JPH3: variants seen among roughly 807,000 people sequenced by gnomAD.
JPH3 encodes junctophilin 3, also known as junctophilin-3.
Under a neutral mutation model 59.6 loss-of-function variants are expected in JPH3, and 11 were observed. The ratio of observed to expected loss-of-function variants is 0.18; its 90% confidence interval spans 0.12 to 0.31. The LOEUF (loss-of-function observed/expected upper bound fraction) is 0.31, where lower values mean the gene tolerates loss of function less well. Among genes scored for constraint, JPH3 ranks in the 10% least tolerant of loss-of-function variants. The pLI, the probability that JPH3 is intolerant of heterozygous loss-of-function variation, is 1.00. For synonymous variants in JPH3, 673 were observed against 483.6 expected (o/e 1.39, Z -5.14); for missense variants, 1,202 against 1,105.7 (o/e 1.09, Z -1.24).
At chr16:87,673,010 G>A (rs76180876) in intron 2 of JPH3, among the ~76,000 whole-genome samples, 8,333 of 152,240 alleles carry the variant, frequency 0.055, 331 homozygotes, top group Non-Finnish European at 0.088. Flanking sequence ...CCTTTGCGTG[G>A]TAGCACGTGC....
In JPH3 at chr16:87,685,109, C is replaced by T. The variant is rs1257686923; in HGVS notation, c.1285+843C>T. On this transcript the variant is annotated intron_variant, in intron 3 of 4. Coordinates refer to ENST00000284262, the MANE Select transcript of JPH3 (RefSeq NM_020655.4). ...TCGCAACGCCTGCCACTCTGGCCAC[C>T]AGGACAGGATGAGGAGCCCAGCCTG... Among the ~76,000 whole-genome samples, 4 of 152,214 alleles carry T rather than the reference C, an allele frequency of 2.6e-5. No homozygotes were observed. The East Asian group carries it at 7.7e-4, about 29-fold the overall frequency.
intron 4 of JPH3, chr16:87,696,069 G>C (rs1437320365): frequency 2.2e-6 from 1 of 456,558 alleles, no homozygotes. Flanking sequence ...GTGAGGGGGG[G>C]TTTTGTTGAG....
chr16:87,628,302 C>T (rs2031450416), intron 1 of JPH3, among the ~76,000 whole-genome samples: 1 of 152,266 alleles, frequency 6.6e-6, no homozygotes, highest in Admixed American at 6.5e-5. Context: ...AGCCAGCCCT[C>T]AGGGGCCAGA....
chr16:87,695,950 G>A (rs1313934617), intron 4 of JPH3: 6 of 455,970 alleles, frequency 1.3e-5, no homozygotes, highest in Non-Finnish European at 2.6e-5. Flanking sequence ...CCACTTCAGG[G>A]AGGTGGTGGC....
intron 2 of JPH3, among the ~76,000 whole-genome samples, chr16:87,646,017 C>T (rs140791502): frequency 4.6e-5 from 7 of 152,334 alleles, no homozygotes; most frequent in African/African-American, 1.2e-4. Context: ...TGGGGTAGCC[C>T]GGAGAGTCTT....
chr16:87,695,180 G>A (rs1280580385), intron 4 of JPH3: 6 of 376,810 alleles, frequency 1.6e-5, no homozygotes, highest in Admixed American at 1.3e-4. Context: ...GAGGCCCGTT[G>A]TTCGGGCTCC....
At position 87,613,405 on chromosome 16, in the gene JPH3, C is replaced by G. The variant is rs373869457; in HGVS notation, c.382+9877C>G. Among the ~76,000 whole-genome samples the G allele has an allele frequency of 6.6e-5, 10 of 152,178 alleles. No homozygotes were observed. In the East Asian group the frequency reaches 1.2e-3, roughly 18 times the overall value. ...GCGTGAACTCAGCTCACTGCAGCCT[C>G]TGCTTCCCGAGTTCAAGCCATTCTC... On this transcript the variant is annotated intron_variant, in intron 1 of 4. Transcript: ENST00000284262.
chr16:87,695,240 C>T (rs747826748), intron 4 of JPH3: 4 of 448,964 alleles, frequency 8.9e-6, no homozygotes, highest in South Asian at 6.3e-5. Context: ...ACATGAGCTA[C>T]TCAGTCTTAA....
At chr16:87,602,431 C>CGGGGGCGGGGGGCG (rs1237775178), upstream of JPH3, among the ~76,000 whole-genome samples, 9 of 13,294 alleles carry the variant, frequency 6.8e-4, no homozygotes, top group Admixed American at 8.5e-4. Context: ...GGGGCGGGGG[C>CGGGGGCGGGGGGCG]GGGGGCGGGG....
intron 1 of JPH3, among the ~76,000 whole-genome samples, chr16:87,643,846 C>G (rs2032038644): frequency 7.1e-6 from 1 of 141,218 alleles, no homozygotes; most frequent in Non-Finnish European, 1.6e-5. Flanking sequence ...CAGGTTTCAT[C>G]AAGATAGCAC....
In JPH3 at chr16:87,689,858, C is replaced by A; in HGVS notation, c.1498C>A (p.His500Asn). 6.6e-7 allele frequency: 1 copy of A among 1,511,470 alleles called. No homozygotes were observed. Among genetic ancestry groups the A allele is most frequent in the Admixed American group, 2.1e-5 (1 of 47,878 alleles). 93.6% of individuals were successfully genotyped at this position (1,511,470 alleles called of 1,614,324 possible). Residue 500 changes from histidine (H) to asparagine (N), a missense_variant, in exon 4 of 5, where the codon CAC (histidine) becomes AAC (asparagine). Transcript: ENST00000284262. ...GCCCGCCGCCAGGAACAAGGTCGCCCACTTCTCGAGGCAGGTGTCGGTGGA... is the reference window on the plus strand; with the variant it reads ...GCCCGCCGCCAGGAACAAGGTCGCCAACTTCTCGAGGCAGGTGTCGGTGGA... ...PAPAARNKVAHFSRQVSVDEE... is the reference protein window; with the variant it reads ...PAPAARNKVANFSRQVSVDEE...
rs142550407 is a variant in JPH3, at chr16:87,680,219, G to A, written c.1161-3923G>A. Among the ~76,000 whole-genome samples the A allele has an allele frequency of 5.9e-5, 9 of 152,386 alleles. No individual in the cohort carries two copies. In the East Asian group the frequency reaches 1.7e-3, roughly 29 times the overall value. On this transcript the variant is annotated intron_variant, in intron 2 of 4. Coordinates refer to ENST00000284262, the MANE Select transcript of JPH3 (RefSeq NM_020655.4). ...CGGAGGGAGGCAGCAGCTCTCCTTT[G>A]CCTTGGAACCCGCTTTGCTCCAGTG...
At chr16:87,619,859 GGCTGGAGAT>G (rs1372431692) in intron 1 of JPH3, among the ~76,000 whole-genome samples, 1 of 152,162 alleles carries the variant, frequency 6.6e-6, no homozygotes, top group Non-Finnish European at 1.5e-5. Flanking sequence ...GCAAGGAAGG[GGCTGGAGAT>G]GCCTTCTAGG....
At chr16:87,613,157 C>T (rs1238753493) in intron 1 of JPH3, among the ~76,000 whole-genome samples, 24 of 139,162 alleles carry the variant, frequency 1.7e-4, no homozygotes, top group African/African-American at 5.9e-4. Flanking sequence ...AGTGCAGTGG[C>T]GCGATCTCGG....
chr16:87,656,100 C>T (rs2032493469), intron 2 of JPH3, among the ~76,000 whole-genome samples: 1 of 152,248 alleles, frequency 6.6e-6, no homozygotes. Context: ...GTGAACTTCC[C>T]TTCCTGAGCT....
At chr16:87,617,360 G>A (rs919833216) in intron 1 of JPH3, among the ~76,000 whole-genome samples, 5 of 152,102 alleles carry the variant, frequency 3.3e-5, no homozygotes, top group African/African-American at 9.7e-5. Context: ...TGTCTCCAGC[G>A]TGGGATGTCG....
intron 3 of JPH3, among the ~76,000 whole-genome samples, chr16:87,686,626 G>A (rs1332119507): frequency 1.3e-5 from 2 of 149,478 alleles, no homozygotes; most frequent in African/African-American, 5.0e-5. Flanking sequence ...ATACTTCCTG[G>A]AGGGCTCAGT....
chr16:87,671,838 G>A (rs1264272362), intron 2 of JPH3, among the ~76,000 whole-genome samples: 1 of 152,250 alleles, frequency 6.6e-6, no homozygotes, highest in East Asian at 1.9e-4. Flanking sequence ...TCTTAACTGA[G>A]TAGAGCAGAG....
At chr16:87,663,194 C>T (rs939535772) in intron 2 of JPH3, among the ~76,000 whole-genome samples, 22 of 151,312 alleles carry the variant, frequency 1.5e-4, no homozygotes, top group African/African-American at 3.9e-4. Context: ...CTGCAACTTC[C>T]GCCTCCCAGG....
Sources: gnomAD v4.1 joint callset for allele counts (sites outside exome capture counted in the v4.1 genomes callset) on GRCh38, gnomAD v4.1.1 for gene constraint, MANE v1.5 for transcripts, NCBI Gene and HGNC (gene_info 2026-07-23, HGNC 2026-07-21) for gene names.